The following SCAPER variants were observed in gnomAD, a reference collection of about 807,000 sequenced individuals.
SCAPER encodes the protein S phase cyclin A-associated protein in the endoplasmic reticulum.
SCAPER carries 98 observed loss-of-function variants against 182.2 expected under a neutral mutation model. The ratio of observed to expected loss-of-function variants is 0.54; its 90% confidence interval spans 0.46 to 0.64. SCAPER has a LOEUF of 0.64. Among genes scored for constraint, SCAPER ranks in the 30% least tolerant of loss-of-function variants. The pLI is 0.00. For missense variants in SCAPER, 1,432 were observed against 1,690.0 expected, an observed-to-expected ratio of 0.85 and a Z score of 2.68; for synonymous variants, 605 against 564.6, an observed-to-expected ratio of 1.07 and a Z score of -1.01.
chr15:76,854,218 G>A (rs1452881731), intron 4 of SCAPER, among the ~76,000 whole-genome samples: 2 of 151,852 alleles, frequency 1.3e-5, no homozygotes, highest in South Asian at 2.1e-4. Context: ...GTGGTGAGCC[G>A]AGATCATGCC....
At chr15:76,733,815 T>C (rs1230695647) in intron 15 of SCAPER, among the ~76,000 whole-genome samples, 2 of 151,728 alleles carry the variant, frequency 1.3e-5, no homozygotes, top group African/African-American at 2.4e-5. Context: ...CATGAACCAG[T>C]GGTAAGGCAT....
intron 27 of SCAPER, among the ~76,000 whole-genome samples, chr15:76,397,010 T>G (rs1166525300): frequency 8.4e-6 from 1 of 119,620 alleles, no homozygotes; most frequent in African/African-American, 3.8e-5. Flanking sequence ...TTTGAGAGTT[T>G]TTTTTTTTTT....
intron 23 of SCAPER, among the ~76,000 whole-genome samples, chr15:76,538,731 A>G (rs1740956990): frequency 6.6e-6 from 1 of 152,210 alleles, no homozygotes; most frequent in African/African-American, 2.4e-5. Flanking sequence ...ATTAAAAAAA[A>G]AAGAAAAAAA....
chr15:76,883,947 C>A (rs2073711462), intron 1 of SCAPER, 71 bp from the exon 2 acceptor site: 1 of 731,452 alleles, frequency 1.4e-6, no homozygotes, highest in Non-Finnish European at 2.2e-6. Flanking sequence ...TAAAAAGATA[C>A]AAATCTCATC....
rs748908980 is a variant in SCAPER, at chr15:76,434,116, T to G, written c.3273A>C (p.Gln1091His). 11 of 1,613,890 alleles carry G rather than the reference T, an allele frequency of 6.8e-6. No individual in the cohort carries two copies. The Middle Eastern group carries it at 4.9e-4, about 72-fold the overall frequency. The change falls in exon 26 of 32, where the codon CAA becomes CAC. Residue 1091 changes from glutamine (Q) to histidine (H), a missense_variant. By Grantham distance (24) the Gln-to-His change is conservative (BLOSUM62 0). Coordinates refer to ENST00000563290, the MANE Select transcript of SCAPER (RefSeq NM_020843.4). ...GAACTCGATTGTTAAAAGGATCACCTTGTGAGGGTTTGTTTTTCATTTCCT... is the reference window on the plus strand; with the variant it reads ...GAACTCGATTGTTAAAAGGATCACCGTGTGAGGGTTTGTTTTTCATTTCCT... ...PTQEMKNKPS[Q>H]GDPFNNRVQD... is the part of the protein sequence containing the mutation.
intron 4 of SCAPER, among the ~76,000 whole-genome samples, chr15:76,848,427 A>G (rs1036486617): frequency 6.8e-6 from 1 of 148,038 alleles, no homozygotes; most frequent in African/African-American, 2.5e-5. Context: ...TCTGCCTCCC[A>G]GGTTCACGCC....
intron 23 of SCAPER, among the ~76,000 whole-genome samples, chr15:76,521,409 A>T (rs763186902): frequency 2.6e-5 from 4 of 151,528 alleles, no homozygotes; most frequent in Non-Finnish European, 4.4e-5. Context: ...AACCCCAAAT[A>T]ATTAGGCTCA....
intron 20 of SCAPER, among the ~76,000 whole-genome samples, chr15:76,668,302 C>G (rs2056773791): frequency 6.6e-6 from 1 of 152,192 alleles, no homozygotes; most frequent in African/African-American, 2.4e-5. Flanking sequence ...GGTCTTTTCT[C>G]TATAAAAATG....
At chr15:76,524,689 G>GTTTGTTTTTTTTTTTTTTT (rs2043058673) in intron 23 of SCAPER, among the ~76,000 whole-genome samples, 3 of 50,114 alleles carry the variant, frequency 6.0e-5, no homozygotes, top group Non-Finnish European at 1.1e-4. Flanking sequence ...TTTTTGTTCT[G>GTTTGTTTTTTTTTTTTTTT]TTTTTTTTTT....
chr15:76,589,630 G>T (rs896579726), intron 22 of SCAPER, among the ~76,000 whole-genome samples: 5 of 152,242 alleles, frequency 3.3e-5, no homozygotes, highest in African/African-American at 1.2e-4. Flanking sequence ...AGAAAGCAAG[G>T]AGGGCTTTCA....
intron 21 of SCAPER, among the ~76,000 whole-genome samples, chr15:76,626,087 G>A (rs908073893): frequency 6.6e-6 from 1 of 152,040 alleles, no homozygotes; most frequent in Admixed American, 6.5e-5. Flanking sequence ...GCCACATGCG[G>A]CCTGCAGGAT....
chr15:76,499,751 G>A (rs997405138), intron 24 of SCAPER, among the ~76,000 whole-genome samples: 3 of 152,126 alleles, frequency 2.0e-5, no homozygotes, highest in Non-Finnish European at 4.4e-5. Context: ...CAACTTTAGG[G>A]CTGACACAAA....
chr15:76,653,567 C>T (rs953440030), intron 21 of SCAPER, among the ~76,000 whole-genome samples: 8 of 152,144 alleles, frequency 5.3e-5, no homozygotes, highest in African/African-American at 1.4e-4. Flanking sequence ...CATCTGCAAC[C>T]ATCTCATCTT....
intron 15 of SCAPER, among the ~76,000 whole-genome samples, chr15:76,734,821 A>C (rs1428006494): frequency 6.6e-6 from 1 of 152,070 alleles, no homozygotes; most frequent in Non-Finnish European, 1.5e-5. Context: ...GTAGTGAACC[A>C]AGATCGCACC....
At chr15:76,468,530 A>C (rs556218370) in intron 25 of SCAPER, among the ~76,000 whole-genome samples, 3 of 152,224 alleles carry the variant, frequency 2.0e-5, no homozygotes, top group Admixed American at 2.0e-4. Context: ...CTTTCAAAGA[A>C]GAAGAAAATG....
chr15:76,545,428 A>C (rs912724843), intron 23 of SCAPER, among the ~76,000 whole-genome samples: 1 of 152,130 alleles, frequency 6.6e-6, no homozygotes, highest in Non-Finnish European at 1.5e-5. Context: ...CTGCCTTATA[A>C]AGGTTCCTTT....
At chr15:76,506,014 G>A (rs1459339408) in intron 23 of SCAPER, among the ~76,000 whole-genome samples, 1 of 152,108 alleles carries the variant, frequency 6.6e-6, no homozygotes, top group African/African-American at 2.4e-5. Context: ...AACTTCACAT[G>A]TGCTCACTTA....
intron 23 of SCAPER, among the ~76,000 whole-genome samples, chr15:76,535,954 G>A (rs2144642926): frequency 6.6e-6 from 1 of 152,246 alleles, no homozygotes; most frequent in East Asian, 1.9e-4. Context: ...CTTAATAACT[G>A]TTCATGTTAC....
At chr15:76,561,893 C>T (rs549408407) in intron 23 of SCAPER, among the ~76,000 whole-genome samples, 76 of 150,838 alleles carry the variant, frequency 5.0e-4, no homozygotes, top group Non-Finnish European at 9.0e-4. Flanking sequence ...GGCCTGTAAT[C>T]CCAGCACTTT....
Sources: gnomAD v4.1 joint callset for allele counts (sites outside exome capture counted in the v4.1 genomes callset) on GRCh38, gnomAD v4.1.1 for gene constraint, MANE v1.5 for transcripts, NCBI Gene and HGNC (gene_info 2026-07-23, HGNC 2026-07-21) for gene names.